The following PTCHD4 variants were observed in gnomAD, a reference collection of about 807,000 sequenced individuals.
The protein encoded by PTCHD4 is patched domain containing 4, also known as patched domain-containing protein 4.
A neutral mutation model predicts 58.1 loss-of-function variants in PTCHD4; 33 were observed. That is an observed-to-expected ratio of 0.57 (90% CI 0.43 to 0.76). PTCHD4 has a LOEUF of 0.76. Among genes scored for constraint, PTCHD4 ranks in the 30% least tolerant of loss-of-function variants. The pLI, the probability that PTCHD4 is intolerant of heterozygous loss-of-function variation, is 0.00. For synonymous variants in PTCHD4, 478 were observed against 409.6 expected, an observed-to-expected ratio of 1.17 and a Z score of -2.02; for missense variants, 1,058 against 1,027.1, an observed-to-expected ratio of 1.03 and a Z score of -0.41.
chr6:47,904,485 A>C (rs1451750586), intron 4 of PTCHD4, among the ~76,000 whole-genome samples: 1 of 152,240 alleles, frequency 6.6e-6, no homozygotes, highest in African/African-American at 2.4e-5. Flanking sequence ...TACACGTAGC[A>C]AAGTGGAAAA....
chr6:48,080,245 C>G (rs577155134), intron 1 of PTCHD4, among the ~76,000 whole-genome samples: 273 of 152,108 alleles, frequency 1.8e-3, no homozygotes, highest in African/African-American at 6.5e-3. Flanking sequence ...AAATATTCAG[C>G]CTTTTAGCTA....
At chr6:48,072,327 G>A (rs62399523) in intron 1 of PTCHD4, among the ~76,000 whole-genome samples, 1,854 of 152,074 alleles carry the variant, frequency 0.012, 19 homozygotes, top group Non-Finnish European at 0.02. Context: ...TCTACTTTGG[G>A]CTATAATTTG....
At chr6:47,908,743 C>T (rs571062902) in intron 4 of PTCHD4, among the ~76,000 whole-genome samples, 52 of 152,142 alleles carry the variant, frequency 3.4e-4, no homozygotes, top group Non-Finnish European at 6.9e-4. Flanking sequence ...CTCACCAAAT[C>T]TTTTGGTTGT....
Position 48,047,203 on chromosome 6 carries a change from G to A in PTCHD4, c.417+21027C>T, listed in dbSNP as rs3757102. 3.0e-4 allele frequency among the ~76,000 whole-genome samples: 46 copies of A among 151,710 alleles called. 1 individual carries two copies. In the East Asian group the frequency reaches 5.6e-3, roughly 19 times the overall value. ...CTAATGACTGTAGTGTTTTTTTCAA[G>A]AGAATATAGCTGTTACAAACCACTC... On this transcript the variant is annotated intron_variant, in intron 3 of 4. Coordinates refer to ENST00000339488, the MANE Select transcript of PTCHD4 (RefSeq NM_001384253.1).
chr6:47,936,281 G>C (rs1323251806), intron 4 of PTCHD4, among the ~76,000 whole-genome samples: 2 of 152,166 alleles, frequency 1.3e-5, no homozygotes, highest in Non-Finnish European at 2.9e-5. Flanking sequence ...AATATGATTT[G>C]ATACATAGAG....
chr6:48,101,727 G>C (rs1765606938), intron 1 of PTCHD4, among the ~76,000 whole-genome samples: 4 of 152,138 alleles, frequency 2.6e-5, no homozygotes, highest in Non-Finnish European at 4.4e-5. Context: ...ATCTAACCTT[G>C]ATTTCAGGCA....
chr6:48,073,904 T>C (rs1765017314), intron 1 of PTCHD4, among the ~76,000 whole-genome samples: 1 of 152,222 alleles, frequency 6.6e-6, no homozygotes, highest in Admixed American at 6.5e-5. Context: ...ATGAGCTTGA[T>C]GATCAGGCAG....
At position 47,878,510 on chromosome 6, in the gene PTCHD4, C is replaced by A. The variant is rs1581812796; in HGVS notation, c.2325G>T (p.Ser775=). ...ATTTGAACAGTGTGAAGGTCAGGTT[C>A]GAAGGCACAAATAGAAGGGGGACTA... ...IGLVPLLFVP[S]NLTFTLFKCL... The change falls in exon 5 of 5, where the codon TCG becomes TCT. Residue 775 remains serine, a synonymous_variant. Transcript: ENST00000339488. 6.2e-7 allele frequency: 1 copy of A among 1,613,150 alleles called. No homozygotes were observed. The highest frequency in any genetic ancestry group is 8.5e-7 in the Non-Finnish European group (1 of 1,179,652).
intron 4 of PTCHD4, among the ~76,000 whole-genome samples, chr6:47,955,716 T>C (rs1440782149): frequency 6.6e-6 from 1 of 152,218 alleles, no homozygotes; most frequent in East Asian, 1.9e-4. Context: ...TGTTGTGAAG[T>C]GTTTACTTGT....
At chr6:47,984,296 T>C (rs1413789930) in intron 4 of PTCHD4, among the ~76,000 whole-genome samples, 2 of 152,082 alleles carry the variant, frequency 1.3e-5, no homozygotes, top group African/African-American at 4.8e-5. Flanking sequence ...GGGTGGGACT[T>C]AGGAAACTTA....
At position 48,059,595 on chromosome 6, in the gene PTCHD4, C is replaced by T. The variant is rs140141816; in HGVS notation, c.417+8635G>A. Among the ~76,000 whole-genome samples, 1,025 of 152,092 alleles carry T rather than the reference C, an allele frequency of 6.7e-3. 14 individuals carry two copies. Among genetic ancestry groups the T allele is most frequent in the African/African-American group, 0.023 (958 of 41,460 alleles). On this transcript the variant is annotated intron_variant, in intron 3 of 4. Coordinates refer to ENST00000339488, the MANE Select transcript of PTCHD4 (RefSeq NM_001384253.1). ...CAGAGGTTGCAGTGAGCCGAGATCA[C>T]GCCACTGCACTCAGTCTGGGCGACA...
Position 47,878,463 on chromosome 6 carries a change from C to A in PTCHD4, c.2372G>T (p.Cys791Phe), listed in dbSNP as rs1763906790. Residue 791 changes from cysteine (C) to phenylalanine (F), a missense_variant, in exon 5 of 5, where the codon TGC becomes TTC. Transcript: ENST00000339488. The part of the protein sequence containing the change: ...LFKCLLLTGG[C>F]TLLHCFVILP... ...AATAACAAAACAGTGCAGAAGTGTGCAACCCCCAGTGAGCAGCAAGCATTT... is the reference window on the plus strand; with the variant it reads ...AATAACAAAACAGTGCAGAAGTGTGAAACCCCCAGTGAGCAGCAAGCATTT... The A allele has an allele frequency of 6.2e-7, 1 of 1,613,376 alleles. No homozygotes were observed. The highest frequency in any genetic ancestry group is 8.5e-7 in the Non-Finnish European group (1 of 1,179,710).
At chr6:48,099,366 G>T (rs1765548697) in intron 1 of PTCHD4, among the ~76,000 whole-genome samples, 1 of 152,146 alleles carries the variant, frequency 6.6e-6, no homozygotes, top group South Asian at 2.1e-4. Context: ...ATTGCTGTTT[G>T]CACTTCCTGC....
intron 4 of PTCHD4, among the ~76,000 whole-genome samples, chr6:48,007,100 A>G (rs1375576250): frequency 6.6e-6 from 1 of 151,998 alleles, no homozygotes; most frequent in Non-Finnish European, 1.5e-5. Context: ...ATTAGCCAGG[A>G]GTGGTAGCCA....
intron 1 of PTCHD4, among the ~76,000 whole-genome samples, chr6:48,097,641 G>T (rs1461294218): frequency 6.6e-6 from 1 of 152,122 alleles, no homozygotes; most frequent in East Asian, 1.9e-4. Context: ...ATTACTCTAT[G>T]TCTAGCATCT....
chr6:48,035,247 A>G (rs368409009), intron 3 of PTCHD4, among the ~76,000 whole-genome samples: 15 of 152,146 alleles, frequency 9.9e-5, no homozygotes, highest in African/African-American at 2.6e-4. Flanking sequence ...AACAGCTCAG[A>G]CTCTATTATT....
intron 4 of PTCHD4, among the ~76,000 whole-genome samples, chr6:47,955,562 T>C (rs1483523876): frequency 6.6e-6 from 1 of 152,172 alleles, no homozygotes; most frequent in African/African-American, 2.4e-5. Flanking sequence ...TTTCCTGGAG[T>C]GTAGGAAACC....
At chr6:47,962,618 TGAA>T (rs1325428219) in intron 4 of PTCHD4, among the ~76,000 whole-genome samples, 1 of 152,138 alleles carries the variant, frequency 6.6e-6, no homozygotes, top group Non-Finnish European at 1.5e-5. Context: ...TGCCACCTTG[TGAA>T]GAAGGTTTGT....
intron 3 of PTCHD4, among the ~76,000 whole-genome samples, chr6:48,067,795 T>A (rs1198333496): frequency 1.3e-5 from 2 of 152,208 alleles, no homozygotes; most frequent in Admixed American, 1.3e-4. Context: ...TTGCAGGGTC[T>A]CAGAAATAAC....
Sources: gnomAD v4.1 joint callset for allele counts (sites outside exome capture counted in the v4.1 genomes callset) on GRCh38, gnomAD v4.1.1 for gene constraint, MANE v1.5 for transcripts, NCBI Gene and HGNC (gene_info 2026-07-23, HGNC 2026-07-21) for gene names.